The following DNAH11 variants were observed in gnomAD, a reference collection of about 807,000 sequenced individuals.
DNAH11 encodes axonemal beta dynein heavy chain 11.
A neutral mutation model predicts 526.0 loss-of-function variants in DNAH11; 442 were observed. That is an observed-to-expected ratio of 0.84 (90% CI 0.78 to 0.91). DNAH11 has a LOEUF of 0.91. Ranked by LOEUF, DNAH11 falls within the 40% of genes least tolerant of loss-of-function variation. The pLI, the probability that DNAH11 is intolerant of heterozygous loss-of-function variation, is 0.00. For missense variants in DNAH11, 6,989 were observed against 5,448.7 expected, an observed-to-expected ratio of 1.28 and a Z score of -8.90; for synonymous variants, 2,461 against 1,935.9, an observed-to-expected ratio of 1.27 and a Z score of -7.12.
At chr7:21,836,466 A>G (rs938713796) in intron 65 of DNAH11, among the ~76,000 whole-genome samples, 5 of 152,158 alleles carry the variant, frequency 3.3e-5, no homozygotes, top group African/African-American at 1.2e-4. Context: ...CTGATTTTCA[A>G]CAAAGTTACC....
intron 57 of DNAH11, among the ~76,000 whole-genome samples, chr7:21,783,009 GA>G (rs1319370540): frequency 8.8e-6 from 1 of 113,224 alleles, no homozygotes; most frequent in Non-Finnish European, 2.0e-5. Context: ...AATTTAAAAT[GA>G]TTTTTTTAAT....
chr7:21,677,880 G>C (rs529661157), intron 30 of DNAH11, among the ~76,000 whole-genome samples: 120 of 152,244 alleles, frequency 7.9e-4, no homozygotes, highest in African/African-American at 2.8e-3. Context: ...TTTTCTTTGG[G>C]AAAATGTCTA....
intron 74 of DNAH11, among the ~76,000 whole-genome samples, chr7:21,874,994 T>G (rs1783650944): frequency 1.3e-5 from 2 of 152,222 alleles, no homozygotes; most frequent in Admixed American, 6.5e-5. Context: ...TCGTAACTTT[T>G]GGGTCAATAC....
At position 21,552,411 on chromosome 7, in the gene DNAH11, A is replaced by G. The variant is rs185785421; in HGVS notation, c.496-6391A>G. Among the ~76,000 whole-genome samples, 204 of 152,260 alleles carry G rather than the reference A, an allele frequency of 1.3e-3. 1 individual carries two copies. Among genetic ancestry groups the G allele is most frequent in the Non-Finnish European group, 1.3e-3 (86 of 68,020 alleles). On this transcript the variant is annotated intron_variant, in intron 2 of 81. Transcript: ENST00000409508. Reference sequence around the variant, plus strand: ...GGCAAAGGCAGACCCACTATTCCCAATATTCTTTCCGGGTTTATTCTTCGC... The same window carrying G: ...GGCAAAGGCAGACCCACTATTCCCAGTATTCTTTCCGGGTTTATTCTTCGC...
chr7:21,745,700 A>G lies in DNAH11; in HGVS notation c.8510+637A>G, dbSNP rs143307427. ...AAAATGGACATTTATAAGGACATGA[A>G]CAACTAAACAAGAGAATAAGCAAGA... On this transcript the variant is annotated intron_variant, in intron 51 of 81. Coordinates refer to ENST00000409508, the MANE Select transcript of DNAH11 (RefSeq NM_001277115.2). Among the ~76,000 whole-genome samples the G allele has an allele frequency of 3.0e-4, 45 of 152,344 alleles. No homozygotes were observed. In the East Asian group the frequency reaches 7.9e-3, roughly 27 times the overall value.
In DNAH11 at chr7:21,589,188, G is replaced by T. The variant is rs886038460; in HGVS notation, c.1974-20G>T. 6.3e-7 allele frequency: 1 copy of T among 1,577,302 alleles called. No individual in the cohort carries two copies. The highest frequency in any genetic ancestry group is 2.3e-5 in the East Asian group (1 of 44,038). ...TATCTAATATACGTATAAACCAGTA[G>T]AAAAACCTTATTCCTACAGATTTTT... On this transcript the variant is annotated intron_variant, in intron 11 of 81. Transcript: ENST00000409508.
chr7:21,794,033 A>G (rs574460603), intron 61 of DNAH11, among the ~76,000 whole-genome samples: 121 of 152,140 alleles, frequency 8.0e-4, no homozygotes, highest in Non-Finnish European at 1.4e-3. Context: ...TGCTTTACTC[A>G]TTCTGCTCTT....
chr7:21,607,798 C>T (rs796604637), intron 20 of DNAH11, among the ~76,000 whole-genome samples: 29 of 151,810 alleles, frequency 1.9e-4, no homozygotes, highest in African/African-American at 7.0e-4. Context: ...AATTGCTGGG[C>T]ATGGTGGTGG....
intron 45 of DNAH11, among the ~76,000 whole-genome samples, chr7:21,730,604 T>C (rs984954154): frequency 6.6e-6 from 1 of 152,124 alleles, no homozygotes; most frequent in African/African-American, 2.4e-5. Flanking sequence ...GAAAGACAAA[T>C]ACTGCATGAT....
At chr7:21,812,420 G>T (rs954100873) in intron 63 of DNAH11, among the ~76,000 whole-genome samples, 7 of 152,092 alleles carry the variant, frequency 4.6e-5, no homozygotes, top group Admixed American at 4.6e-4. Context: ...ACGTCTCCCA[G>T]TGCTTTGGGA....
Position 21,558,955 on chromosome 7 carries a change from G to T in DNAH11, c.649G>T (p.Val217Phe). The T allele has an allele frequency of 6.3e-7, 1 of 1,593,140 alleles. No homozygotes were observed. The highest frequency in any genetic ancestry group is 1.1e-5 in the South Asian group (1 of 87,588). Residue 217 changes from valine (V) to phenylalanine (F), a missense_variant, in exon 3 of 82, where the codon GTT (valine) becomes TTT (phenylalanine). Physicochemically the swap from Val to Phe is conservative, Grantham distance 50 (BLOSUM62 -1). Coordinates refer to ENST00000409508, the MANE Select transcript of DNAH11 (RefSeq NM_001277115.2). ...SRRTLLPIPT[V>F]AGKMDLDQNC... ...AAGAACTCTTCTACCAATTCCCACT[G>T]TTGCAGGAAAGATGGATCTGGATCA...
At chr7:21,701,507 C>G (rs754812205) in intron 36 of DNAH11, among the ~76,000 whole-genome samples, 1 of 152,090 alleles carries the variant, frequency 6.6e-6, no homozygotes, top group Non-Finnish European at 1.5e-5. Flanking sequence ...CCAGGCTGGT[C>G]TGGAACTCCT....
At position 21,550,503 on chromosome 7, in the gene DNAH11, T is replaced by C. The variant is rs557105818; in HGVS notation, c.495+5354T>C. 3.3e-5 allele frequency among the ~76,000 whole-genome samples: 5 copies of C among 152,288 alleles called. No homozygotes were observed. In the South Asian group the frequency reaches 1.0e-3, roughly 32 times the overall value. On this transcript the variant is annotated intron_variant, in intron 2 of 81. Coordinates refer to ENST00000409508, the MANE Select transcript of DNAH11 (RefSeq NM_001277115.2). ...ACTTGTAGAGGGATAATCCCAAGTCTTTTCTTGGGGCTGTTCTAATCCTAA... is the reference window on the plus strand; with the variant it reads ...ACTTGTAGAGGGATAATCCCAAGTCCTTTCTTGGGGCTGTTCTAATCCTAA...
chr7:21,549,741 T>G (rs146960287), intron 2 of DNAH11, among the ~76,000 whole-genome samples: 1 of 152,334 alleles, frequency 6.6e-6, no homozygotes, highest in Non-Finnish European at 1.5e-5. Context: ...ACCCCATGTT[T>G]ACTGTCCAAC....
chr7:21,765,405 G>T, intron 54 of DNAH11, 23 bp from the exon 55 acceptor site: 1 of 1,613,214 alleles, frequency 6.2e-7, no homozygotes. Context: ...GCCTGTTTCT[G>T]CCTTGCCCCC....
intron 21 of DNAH11, among the ~76,000 whole-genome samples, 185 bp downstream of exon 21, chr7:21,615,457 C>T (rs1785727912): frequency 6.6e-6 from 1 of 151,916 alleles, no homozygotes; most frequent in African/African-American, 2.4e-5. Flanking sequence ...CTTTGAATAC[C>T]AGTTGTTTTT....
chr7:21,600,702 G>C lies in DNAH11; in HGVS notation c.3027G>C (p.Leu1009=). ...YQNDMDNMLG[L]AEVRQEIMNR... The stretch of plus-strand genomic sequence containing the variant: ...ATGATATGGATAACATGTTAGGCCT[G>C]GCAGAGGTCAGGCAGGAGATCATGA... The change falls in exon 16 of 82, where the codon CTG becomes CTC. Residue 1009 remains leucine (L), a synonymous_variant. Transcript: ENST00000409508. 6.2e-7 allele frequency: 1 copy of C among 1,612,996 alleles called. No homozygotes were observed. The highest frequency in any genetic ancestry group is 8.5e-7 in the Non-Finnish European group (1 of 1,179,356).
chr7:21,702,724 G>T lies in DNAH11; in HGVS notation c.6195G>T (p.Trp2065Cys), dbSNP rs780650546. ...TTTGATTTTAGGATCATTACGACTG[G>T]GGACTTCGTGCTATTAAGTCTGTCT... ...ELLSKQDHYD[W>C]GLRAIKSVLV... The change falls in exon 37 of 82, where the codon TGG (tryptophan) becomes TGT (cysteine). Residue 2065 changes from tryptophan to cysteine, a missense_variant. Transcript: ENST00000409508. The T allele has an allele frequency of 1.2e-6, 2 of 1,613,466 alleles. No homozygotes were observed. Among genetic ancestry groups the T allele is most frequent in the Non-Finnish European group, 1.7e-6 (2 of 1,179,646 alleles).
chr7:21,617,743 A>G lies in DNAH11; in HGVS notation c.4220A>G (p.Asp1407Gly), dbSNP rs567405173. The change falls in exon 23 of 82, where the codon GAC (aspartate) becomes GGC (glycine). Residue 1407 changes from aspartate to glycine, a missense_variant. Coordinates refer to ENST00000409508, the MANE Select transcript of DNAH11 (RefSeq NM_001277115.2). ...ITELQSPALRDRHWHQLMKAI... is the reference protein window; with the variant it reads ...ITELQSPALRGRHWHQLMKAI... ...GAGTTACAGAGCCCTGCCCTCAGGG[A>G]CAGGCATTGGCACCAGCTGATGAAA... The G allele has an allele frequency of 1.7e-5, 28 of 1,609,292 alleles. No individual in the cohort carries two copies. The South Asian group carries it at 2.4e-4, about 14-fold the overall frequency.
Sources: gnomAD v4.1 joint callset for allele counts (sites outside exome capture counted in the v4.1 genomes callset) on GRCh38, gnomAD v4.1.1 for gene constraint, MANE v1.5 for transcripts, NCBI Gene and HGNC (gene_info 2026-07-23, HGNC 2026-07-21) for gene names.